STAG1: variants seen among roughly 807,000 people sequenced by gnomAD.
STAG1 encodes the protein cohesin subunit SA-1.
STAG1 carries 26 observed loss-of-function variants against 170.9 expected under a neutral mutation model. The ratio of observed to expected loss-of-function variants is 0.15; its 90% CI spans 0.11 to 0.21. The LOEUF is 0.21. Among genes scored for constraint, STAG1 ranks in the 10% least tolerant of loss-of-function variants. The pLI is 1.00. For missense variants in STAG1, 964 were observed against 1,509.5 expected (o/e 0.64, Z 5.99); for synonymous variants, 514 against 497.7 (o/e 1.03, Z -0.44).
intron 1 of STAG1, among the ~76,000 whole-genome samples, chr3:136,699,118 T>G (rs1942976581): frequency 6.6e-6 from 1 of 152,188 alleles, no homozygotes; most frequent in African/African-American, 2.4e-5. Flanking sequence ...TTGGGCACAG[T>G]GTACACTGCT....
At chr3:136,516,164 A>G (rs935655723) in intron 7 of STAG1, among the ~76,000 whole-genome samples, 5 of 152,216 alleles carry the variant, frequency 3.3e-5, no homozygotes, top group African/African-American at 1.2e-4. Context: ...GTTAAAAATT[A>G]TAAAATAATT....
intron 22 of STAG1, among the ~76,000 whole-genome samples, chr3:136,385,698 A>G (rs1441820509): frequency 6.6e-6 from 1 of 152,130 alleles, no homozygotes; most frequent in Non-Finnish European, 1.5e-5. Flanking sequence ...ACTAACCAAG[A>G]TAAGAGGAGA....
intron 28 of STAG1, among the ~76,000 whole-genome samples, chr3:136,350,041 G>A (rs542040722): frequency 1.3e-5 from 2 of 152,108 alleles, no homozygotes; most frequent in Non-Finnish European, 2.9e-5. Context: ...TCAGGAGGCT[G>A]AGGCAGGAGA....
At chr3:136,526,669 T>C (rs1397755802) in intron 6 of STAG1, among the ~76,000 whole-genome samples, 4 of 152,244 alleles carry the variant, frequency 2.6e-5, no homozygotes, top group Non-Finnish European at 4.4e-5. Flanking sequence ...CATTAGTTGA[T>C]GCAGTTTCTT....
rs376823190 is a variant in STAG1, at chr3:136,363,484, G to C, written c.2686-17C>G. On this transcript the variant is annotated splice_polypyrimidine_tract_variant and intron_variant, in intron 25 of 33. Transcript: ENST00000383202. ...ATTGTAATACTGTGAGGGAAAGAAA[G>C]AAAACATGGCTTTAAAATTACTGAC... The C allele has an allele frequency of 1.8e-6, 2 of 1,110,946 alleles. No individual in the cohort carries two copies. Among genetic ancestry groups the C allele is most frequent in the Non-Finnish European group, 1.3e-6 (1 of 796,216 alleles). The allele number at this position is 1,110,946 out of a possible 1,614,324, so 68.8% of individuals were successfully genotyped here. A position where few individuals can be genotyped will look rare whatever the true frequency, so the allele number is the denominator to read the frequency against.
intron 5 of STAG1, among the ~76,000 whole-genome samples, chr3:136,543,317 T>G (rs1935993779): frequency 6.6e-6 from 1 of 152,204 alleles, no homozygotes; most frequent in Non-Finnish European, 1.5e-5. Flanking sequence ...ACACTGCTCT[T>G]AAACACTATC....
intron 9 of STAG1, among the ~76,000 whole-genome samples, chr3:136,478,172 T>C (rs1187119793): frequency 3.3e-5 from 5 of 152,184 alleles, no homozygotes; most frequent in Admixed American, 6.5e-5. Context: ...AGGTCTTTCA[T>C]CTGTAATAAT....
intron 14 of STAG1, among the ~76,000 whole-genome samples, chr3:136,449,133 A>G (rs1460704035): frequency 2.0e-5 from 3 of 152,196 alleles, no homozygotes; most frequent in African/African-American, 7.2e-5. Context: ...TAAAAAGATA[A>G]GAGGAGAGAT....
At chr3:136,372,442 T>A (rs1937393290) in intron 23 of STAG1, among the ~76,000 whole-genome samples, 1 of 152,172 alleles carries the variant, frequency 6.6e-6, no homozygotes, top group African/African-American at 2.4e-5. Context: ...TCAAAGGGAA[T>A]GCTTCCAGTT....
chr3:136,406,652 A>C (rs930638535), intron 21 of STAG1, among the ~76,000 whole-genome samples: 10 of 152,234 alleles, frequency 6.6e-5, no homozygotes, highest in African/African-American at 2.2e-4. Flanking sequence ...CAGTGATATA[A>C]AGTAGCAAAC....
chr3:136,749,564 G>A (rs926030931), intron 1 of STAG1, among the ~76,000 whole-genome samples: 2 of 152,032 alleles, frequency 1.3e-5, no homozygotes, highest in Admixed American at 6.6e-5. Flanking sequence ...TGGCCAACGT[G>A]GTGAAACCCC....
intron 5 of STAG1, among the ~76,000 whole-genome samples, chr3:136,559,564 A>G (rs1283453344): frequency 6.6e-6 from 1 of 152,192 alleles, no homozygotes; most frequent in African/African-American, 2.4e-5. Context: ...CCGGTCAGTC[A>G]CTTGTTAAAG....
intron 6 of STAG1, among the ~76,000 whole-genome samples, chr3:136,527,913 A>C: frequency 6.6e-6 from 1 of 152,168 alleles, no homozygotes; most frequent in East Asian, 1.9e-4. Context: ...ATTGCTGAAC[A>C]GCAAATGTTG....
intron 1 of STAG1, among the ~76,000 whole-genome samples, chr3:136,721,074 A>G (rs1441848484): frequency 6.6e-6 from 1 of 152,208 alleles, no homozygotes; most frequent in Admixed American, 6.5e-5. Context: ...TTCCTTAGAC[A>G]TTGGAAGTGT....
intron 5 of STAG1, among the ~76,000 whole-genome samples, chr3:136,566,776 A>C (rs1039042690): frequency 1.3e-5 from 2 of 152,214 alleles, no homozygotes; most frequent in African/African-American, 4.8e-5. Context: ...AGACCAAATA[A>C]GGTATACATA....
chr3:136,595,294 A>G (rs1274903398), intron 4 of STAG1, among the ~76,000 whole-genome samples: 2 of 152,082 alleles, frequency 1.3e-5, no homozygotes, highest in African/African-American at 4.8e-5. Context: ...ATTCACACAA[A>G]CTTTCAGTGA....
intron 1 of STAG1, among the ~76,000 whole-genome samples, chr3:136,677,105 G>A (rs9869957): frequency 0.35 from 53,080 of 151,960 alleles, 10,408 homozygotes; most frequent in African/African-American, 0.52. Flanking sequence ...TTTTTTATAA[G>A]TAGGAGTACA....
chr3:136,621,940 T>C (rs948597778), intron 3 of STAG1, among the ~76,000 whole-genome samples: 1 of 148,446 alleles, frequency 6.7e-6, no homozygotes, highest in Admixed American at 6.8e-5. Context: ...TATTTGGTGA[T>C]ATTAATAAAA....
At chr3:136,662,254 C>T (rs1325589476) in intron 1 of STAG1, among the ~76,000 whole-genome samples, 2 of 151,102 alleles carry the variant, frequency 1.3e-5, no homozygotes, top group African/African-American at 4.9e-5. Context: ...TGGGTTCAAA[C>T]GATTCTCCTG....
Sources: allele counts gnomAD v4.1 joint callset (sites outside exome capture counted in the v4.1 genomes callset), GRCh38; gene constraint gnomAD v4.1.1; transcripts MANE v1.5; gene names NCBI Gene and HGNC (gene_info 2026-07-23, HGNC 2026-07-21).